NAV3: variants seen among roughly 807,000 people sequenced by gnomAD.
NAV3 encodes pore membrane and/or filament interacting like protein 1.
A neutral mutation model predicts 244.7 loss-of-function variants in NAV3; 87 were observed. That is an observed-to-expected ratio of 0.36 (90% CI 0.30 to 0.42). The LOEUF is 0.42. NAV3 is among the 20% of genes least tolerant of loss of function. NAV3 has a pLI of 1.00. For synonymous variants in NAV3, 1,126 were observed against 1,042.2 expected (o/e 1.08, Z -1.55); for missense variants, 2,663 against 2,893.3 (o/e 0.92, Z 1.83).
chr12:78,153,175 G>A (rs1041024353), intron 22 of NAV3, among the ~76,000 whole-genome samples: 6 of 151,926 alleles, frequency 3.9e-5, no homozygotes, highest in African/African-American at 9.7e-5. Context: ...AATTTGAAAT[G>A]CATCTATGTC....
chr12:77,963,974 C>T (rs1208364447), intron 3 of NAV3, among the ~76,000 whole-genome samples: 1 of 144,320 alleles, frequency 6.9e-6, no homozygotes, highest in Non-Finnish European at 1.5e-5. Flanking sequence ...TCACCCTCCC[C>T]TTCCTCCTCC....
chr12:78,165,700 C>T (rs1040663658), intron 23 of NAV3, among the ~76,000 whole-genome samples: 2 of 151,276 alleles, frequency 1.3e-5, no homozygotes, highest in African/African-American at 4.8e-5. Context: ...GAACAACTAA[C>T]CATAATTATG....
intron 12 of NAV3, among the ~76,000 whole-genome samples, chr12:78,106,413 A>G (rs551479081): frequency 6.6e-6 from 1 of 152,356 alleles, no homozygotes; most frequent in South Asian, 2.1e-4. Context: ...GAAATAAATG[A>G]AAGAAGACCA....
At chr12:77,977,712 GCACACACA>G (rs540138192) in intron 5 of NAV3, among the ~76,000 whole-genome samples, 3 of 143,084 alleles carry the variant, frequency 2.1e-5, no homozygotes, top group Middle Eastern at 7.1e-3. Flanking sequence ...ACACACACGC[GCACACACA>G]CACACACACA....
At chr12:77,954,723 G>T (rs1294117991) in intron 3 of NAV3, among the ~76,000 whole-genome samples, 2 of 152,026 alleles carry the variant, frequency 1.3e-5, no homozygotes, top group Non-Finnish European at 2.9e-5. Context: ...ACTGCAAATT[G>T]CTCACATAGT....
intron 12 of NAV3, among the ~76,000 whole-genome samples, chr12:78,104,340 G>A (rs749411086): frequency 1.2e-4 from 19 of 152,016 alleles, no homozygotes; most frequent in Non-Finnish European, 2.4e-4. Flanking sequence ...CCTACAAATG[G>A]CATTTTCCTC....
At chr12:77,574,941 A>C (rs1159099926) in intron 2 of NAV3, among the ~76,000 whole-genome samples, 3 of 151,664 alleles carry the variant, frequency 2.0e-5, no homozygotes, top group Non-Finnish European at 4.4e-5. Flanking sequence ...CTTTTGCTTT[A>C]TTAAGATAGT....
intron 2 of NAV3, among the ~76,000 whole-genome samples, chr12:77,681,388 T>C (rs748689811): frequency 1.3e-5 from 2 of 152,208 alleles, no homozygotes; most frequent in Non-Finnish European, 2.9e-5. Flanking sequence ...TCTTTTTTAA[T>C]ATTCCTTTTG....
At chr12:78,007,860 A>G (rs1180864518) in intron 8 of NAV3, among the ~76,000 whole-genome samples, 2 of 152,198 alleles carry the variant, frequency 1.3e-5, no homozygotes, top group Admixed American at 6.5e-5. Flanking sequence ...AAAGTATACC[A>G]TAATGGTTAA....
chr12:77,999,414 A>G (rs1303864494), intron 7 of NAV3, among the ~76,000 whole-genome samples: 1 of 152,258 alleles, frequency 6.6e-6, no homozygotes, highest in East Asian at 1.9e-4. Context: ...AAATAATTCA[A>G]CCATGTGGGA....
chr12:77,617,568 G>T (rs1333494892), intron 2 of NAV3, among the ~76,000 whole-genome samples: 1 of 152,226 alleles, frequency 6.6e-6, no homozygotes. Flanking sequence ...AGACAGCAGG[G>T]TTTGCAGCAG....
intron 3 of NAV3, among the ~76,000 whole-genome samples, chr12:77,952,731 A>G (rs1338388822): frequency 2.6e-5 from 4 of 152,156 alleles, no homozygotes. Context: ...CAAACTTGCA[A>G]TATAAATAAG....
intron 1 of NAV3, among the ~76,000 whole-genome samples, chr12:77,929,486 A>T (rs532472261): frequency 6.6e-6 from 1 of 152,216 alleles, no homozygotes; most frequent in South Asian, 2.1e-4. Flanking sequence ...GAATTTATCC[A>T]CCTTGAGTCA....
intron 9 of NAV3, among the ~76,000 whole-genome samples, chr12:78,026,873 T>C (rs1242697889): frequency 6.6e-6 from 1 of 152,174 alleles, no homozygotes; most frequent in African/African-American, 2.4e-5. Flanking sequence ...AGGAACCTAA[T>C]AATTTTCAGA....
At chr12:78,164,405 A>G (rs1957693972) in intron 23 of NAV3, among the ~76,000 whole-genome samples, 1 of 152,058 alleles carries the variant, frequency 6.6e-6, no homozygotes, top group Non-Finnish European at 1.5e-5. Context: ...AGGAATTGAA[A>G]CCTTCAAAAT....
intron 31 of NAV3, 130 bp downstream of exon 31, chr12:78,185,828 T>A (rs921880779): frequency 1.4e-6 from 1 of 705,714 alleles, no homozygotes; most frequent in African/African-American, 1.8e-5. Context: ...GCTTAACATG[T>A]CATACAAACA....
chr12:77,590,239 G>A (rs537731903), intron 2 of NAV3, among the ~76,000 whole-genome samples: 1 of 152,282 alleles, frequency 6.6e-6, no homozygotes, highest in East Asian at 1.9e-4. Flanking sequence ...ATGGGTGGAG[G>A]ACAGAGCTAT....
intron 9 of NAV3, among the ~76,000 whole-genome samples, chr12:78,045,531 G>T (rs1881638672): frequency 6.6e-6 from 1 of 152,128 alleles, no homozygotes; most frequent in Non-Finnish European, 1.5e-5. Flanking sequence ...CTGACCTCGT[G>T]ATCTGCCCAC....
At chr12:77,821,989 A>C (rs1227725714) in intron 2 of NAV3, among the ~76,000 whole-genome samples, 1 of 152,118 alleles carries the variant, frequency 6.6e-6, no homozygotes, top group Non-Finnish European at 1.5e-5. Flanking sequence ...ATTTTGTTTT[A>C]ATGGAATAGT....
Sources: allele counts gnomAD v4.1 joint callset (sites outside exome capture counted in the v4.1 genomes callset), GRCh38; gene constraint gnomAD v4.1.1; transcripts MANE v1.5; gene names NCBI Gene and HGNC (gene_info 2026-07-23, HGNC 2026-07-21).